The following CRIM1 variants were observed in gnomAD, a reference collection of about 807,000 sequenced individuals.
The protein encoded by CRIM1 is cysteine rich transmembrane BMP regulator 1.
A neutral mutation model predicts 116.4 loss-of-function variants in CRIM1; 32 were observed. That is an observed-to-expected ratio of 0.27 (90% CI 0.21 to 0.37). CRIM1 has a LOEUF of 0.37. Among genes scored for constraint, CRIM1 ranks in the 10% least tolerant of loss-of-function variants. The pLI is 1.00. For missense variants in CRIM1, 1,331 were observed against 1,354.8 expected, an observed-to-expected ratio of 0.98 and a Z score of 0.28; for synonymous variants, 590 against 509.2, an observed-to-expected ratio of 1.16 and a Z score of -2.13.
In CRIM1 at chr2:36,537,126, C is replaced by T. The variant is rs541911818; in HGVS notation, c.2429-226C>T. ...TTATCTAACAGGTACCATTCCCTGC[C>T]GGTTGTGGTAGTGACCACCCTGTGC... On this transcript the variant is annotated intron_variant, in intron 13 of 16. Coordinates refer to ENST00000280527, the MANE Select transcript of CRIM1 (RefSeq NM_016441.3). Among the ~76,000 whole-genome samples, 198 of 152,186 alleles carry T rather than the reference C, an allele frequency of 1.3e-3. 1 individual carries two copies. Among genetic ancestry groups the T allele is most frequent in the Non-Finnish European group, 1.5e-3 (101 of 68,002 alleles).
At chr2:36,457,692 A>G (rs1467700962) in intron 4 of CRIM1, among the ~76,000 whole-genome samples, 1 of 152,176 alleles carries the variant, frequency 6.6e-6, no homozygotes, top group Admixed American at 6.5e-5. Context: ...GCTGTTTTCC[A>G]TAAGAAGGGT....
At chr2:36,432,525 T>C (rs986314509) in intron 2 of CRIM1, among the ~76,000 whole-genome samples, 1 of 152,156 alleles carries the variant, frequency 6.6e-6, no homozygotes, top group Non-Finnish European at 1.5e-5. Flanking sequence ...CAGGCCACAT[T>C]TGGCATCCGG....
intron 1 of CRIM1, among the ~76,000 whole-genome samples, chr2:36,385,771 C>G (rs558842351): frequency 6.6e-6 from 1 of 152,280 alleles, no homozygotes; most frequent in Non-Finnish European, 1.5e-5. Context: ...CCTCATGTCC[C>G]CTGCTGGGTG....
At chr2:36,444,633 A>G (rs565770235) in intron 4 of CRIM1, among the ~76,000 whole-genome samples, 36 of 152,368 alleles carry the variant, frequency 2.4e-4, no homozygotes, top group African/African-American at 8.4e-4. Flanking sequence ...GAAGGAAGTC[A>G]TTCAACATCC....
intron 8 of CRIM1, among the ~76,000 whole-genome samples, chr2:36,507,832 T>C (rs1266664099): frequency 1.3e-5 from 2 of 152,212 alleles, no homozygotes. Context: ...TCCTTCTTTA[T>C]TGCAGGACCA....
chr2:36,442,334 TCTGGC>T (rs1317881995), intron 3 of CRIM1, among the ~76,000 whole-genome samples: 1 of 152,118 alleles, frequency 6.6e-6, no homozygotes, highest in Non-Finnish European at 1.5e-5. Flanking sequence ...CAGAAATGCC[TCTGGC>T]TAACTGTCAC....
intron 5 of CRIM1, among the ~76,000 whole-genome samples, chr2:36,471,760 C>CACACACA (rs1553316612): frequency 4.5e-5 from 6 of 134,418 alleles, no homozygotes; most frequent in Admixed American, 8.5e-5. Flanking sequence ...CACACACACA[C>CACACACA]CATCTTACAA....
At chr2:36,363,764 G>A (rs573090376) in intron 1 of CRIM1, among the ~76,000 whole-genome samples, 1 of 152,214 alleles carries the variant, frequency 6.6e-6, no homozygotes, top group South Asian at 2.1e-4. Context: ...CTTCTGGGAG[G>A]AAATTTTGCT....
At chr2:36,395,470 G>A (rs1313918361) in intron 1 of CRIM1, among the ~76,000 whole-genome samples, 1 of 152,144 alleles carries the variant, frequency 6.6e-6, no homozygotes, top group Non-Finnish European at 1.5e-5. Context: ...ATCTGTTAAA[G>A]ATAATGTTAA....
intron 4 of CRIM1, among the ~76,000 whole-genome samples, chr2:36,452,511 A>G (rs770135959): frequency 3.9e-5 from 6 of 152,178 alleles, no homozygotes; most frequent in Admixed American, 6.5e-5. Flanking sequence ...AAACAAAATA[A>G]TTGTAGGAAT....
Position 36,441,623 on chromosome 2 carries a change from A to G in CRIM1, c.748+123A>G, listed in dbSNP as rs946721107. 7 of 1,269,376 alleles carry G rather than the reference A, an allele frequency of 5.5e-6. No homozygotes were observed. In the African/African-American group the frequency reaches 1.0e-4, roughly 19 times the overall value. 78.6% of individuals were successfully genotyped at this position (1,269,376 alleles called of 1,614,324 possible). A position where few individuals can be genotyped will look rare whatever the true frequency, so the allele number is the denominator to read the frequency against. ...GGGCCTTCTCACCGGTGTCCTGTGAATCTGCCACTTTGGGCTAATGGCAGC... is the reference window on the plus strand; with the variant it reads ...GGGCCTTCTCACCGGTGTCCTGTGAGTCTGCCACTTTGGGCTAATGGCAGC... On this transcript the variant is annotated intron_variant, in intron 3 of 16. Coordinates refer to ENST00000280527, the MANE Select transcript of CRIM1 (RefSeq NM_016441.3).
intron 2 of CRIM1, among the ~76,000 whole-genome samples, chr2:36,439,634 C>T (rs1028571462): frequency 6.6e-6 from 1 of 152,134 alleles, no homozygotes; most frequent in Non-Finnish European, 1.5e-5. Context: ...TGCTCTTCTC[C>T]AAAGTATCTC....
At chr2:36,450,215 G>A (rs1216080855) in intron 4 of CRIM1, among the ~76,000 whole-genome samples, 1 of 152,184 alleles carries the variant, frequency 6.6e-6, no homozygotes, top group South Asian at 2.1e-4. Flanking sequence ...AGAGGGCCAT[G>A]TGTGTATGGT....
chr2:36,365,969 G>T (rs748308693), intron 1 of CRIM1, among the ~76,000 whole-genome samples: 1 of 152,124 alleles, frequency 6.6e-6, no homozygotes, highest in Non-Finnish European at 1.5e-5. Context: ...CTCGTGATCT[G>T]CCCACCTTGG....
intron 13 of CRIM1, among the ~76,000 whole-genome samples, chr2:36,528,605 G>A (rs1394107170): frequency 2.0e-5 from 3 of 152,176 alleles, no homozygotes; most frequent in Non-Finnish European, 2.9e-5. Context: ...ACCCTCATAG[G>A]GAGATGTATA....
intron 8 of CRIM1, among the ~76,000 whole-genome samples, chr2:36,500,124 C>G (rs1392821531): frequency 6.6e-6 from 1 of 152,022 alleles, no homozygotes; most frequent in Non-Finnish European, 1.5e-5. Flanking sequence ...CTCAGGAGTT[C>G]AAGACCAGCC....
chr2:36,546,907 C>G (rs1194119960), intron 15 of CRIM1, 77 bp from the exon 16 acceptor site: 4 of 829,386 alleles, frequency 4.8e-6, no homozygotes, highest in Admixed American at 2.6e-5. Context: ...TTGCTGATCT[C>G]TATTTGCAAT....
chr2:36,529,167 T>A, intron 13 of CRIM1: 1 of 471,326 alleles, frequency 2.1e-6, no homozygotes, highest in Admixed American at 2.3e-5. Context: ...CCAAACCTGA[T>A]TTTGTACCCT....
chr2:36,400,895 A>G (rs1364974428), intron 2 of CRIM1, among the ~76,000 whole-genome samples: 2 of 152,110 alleles, frequency 1.3e-5, no homozygotes, highest in Non-Finnish European at 2.9e-5. Flanking sequence ...AATCTCTTAC[A>G]GGAAGGTGAA....
Sources: allele counts gnomAD v4.1 joint callset (sites outside exome capture counted in the v4.1 genomes callset), GRCh38; gene constraint gnomAD v4.1.1; transcripts MANE v1.5; gene names NCBI Gene and HGNC (gene_info 2026-07-23, HGNC 2026-07-21).